Variants in FUT8 observed in about 807,000 individuals in gnomAD.
The protein encoded by FUT8 is fucosyltransferase 8, also known as alpha-(1,6)-fucosyltransferase.
A neutral mutation model predicts 71.3 loss-of-function variants in FUT8; 29 were observed. The observed-to-expected ratio is 0.41, with a 90% CI of 0.30 to 0.55. FUT8 has a LOEUF of 0.55. Among genes scored for constraint, FUT8 ranks in the 20% least tolerant of loss-of-function variants. FUT8 has a pLI of 0.34. For missense variants in FUT8, 544 were observed against 702.1 expected, an observed-to-expected ratio of 0.77 and a Z score of 2.55; for synonymous variants, 254 against 239.3, an observed-to-expected ratio of 1.06 and a Z score of -0.57.
At chr14:65,655,170 CAAAA>C (rs1891609739) in intron 6 of FUT8, among the ~76,000 whole-genome samples, 2 of 151,400 alleles carry the variant, frequency 1.3e-5, no homozygotes, top group Non-Finnish European at 2.9e-5. Context: ...AAACAATAAT[CAAAA>C]GAAAGATAGA....
At chr14:65,707,264 T>A (rs1033425585) in intron 7 of FUT8, among the ~76,000 whole-genome samples, 2 of 152,138 alleles carry the variant, frequency 1.3e-5, no homozygotes, top group Non-Finnish European at 2.9e-5. Flanking sequence ...TTAAAGAGCA[T>A]TTTTTTCCAT....
chr14:65,488,263 CA>C (rs2139710769), intron 2 of FUT8: 1 of 151,646 alleles, frequency 6.6e-6, no homozygotes, highest in Admixed American at 6.6e-5. Flanking sequence ...TAGTTGATGA[CA>C]CATCTTCAAC....
chr14:65,560,581 A>G (rs888941566), intron 2 of FUT8, among the ~76,000 whole-genome samples: 55 of 152,224 alleles, frequency 3.6e-4, no homozygotes, highest in African/African-American at 1.3e-3. Context: ...TGGAGAAATG[A>G]CAAATGATAC....
chr14:65,505,377 A>G (rs933452140), intron 2 of FUT8, among the ~76,000 whole-genome samples: 3 of 146,686 alleles, frequency 2.0e-5, no homozygotes, highest in Admixed American at 6.9e-5. Context: ...CAGTGGTGCA[A>G]TCTCGGCTCA....
At chr14:65,726,935 A>ACAGG (rs1317610851) in intron 9 of FUT8, among the ~76,000 whole-genome samples, 1 of 152,226 alleles carries the variant, frequency 6.6e-6, no homozygotes, top group Non-Finnish European at 1.5e-5. Context: ...CAAAGGGGCT[A>ACAGG]CAGGCCCCAT....
the FUT8 span, among the ~76,000 whole-genome samples, chr14:65,398,281 TC>T: frequency 7.2e-5 from 11 of 152,178 alleles, no homozygotes; most frequent in Admixed American, 7.2e-4. Context: ...TGTCTCAGCC[TC>T]CCAAGTGGTG....
At chr14:65,580,870 T>G (rs1887053976) in intron 3 of FUT8, among the ~76,000 whole-genome samples, 1 of 152,054 alleles carries the variant, frequency 6.6e-6, no homozygotes, top group African/African-American at 2.4e-5. Context: ...CTAGACACAG[T>G]GTGGATTGGA....
At chr14:65,585,758 A>G (rs1887348112) in intron 3 of FUT8, among the ~76,000 whole-genome samples, 1 of 152,212 alleles carries the variant, frequency 6.6e-6, no homozygotes, top group Non-Finnish European at 1.5e-5. Flanking sequence ...TCCTTCGGAA[A>G]TATTGGCGTT....
intron 6 of FUT8, among the ~76,000 whole-genome samples, chr14:65,664,008 G>C (rs1892090898): frequency 6.6e-6 from 1 of 152,022 alleles, no homozygotes; most frequent in African/African-American, 2.4e-5. Context: ...GTAATAGTAG[G>C]GGAAATTGGG....
intron 5 of FUT8, among the ~76,000 whole-genome samples, chr14:65,626,363 C>T (rs553763610): frequency 1.4e-4 from 22 of 152,238 alleles, no homozygotes; most frequent in Non-Finnish European, 2.9e-4. Flanking sequence ...GGAGATAGAA[C>T]CAAAATTGAG....
chr14:65,666,061 C>T (rs887735779), intron 6 of FUT8, among the ~76,000 whole-genome samples: 4 of 151,582 alleles, frequency 2.6e-5, no homozygotes, highest in Non-Finnish European at 4.4e-5. Flanking sequence ...CAAACCTACA[C>T]GTGTACCCTT....
chr14:65,438,896 A>G (rs2065600104), intron 1 of FUT8, among the ~76,000 whole-genome samples: 1 of 152,164 alleles, frequency 6.6e-6, no homozygotes, highest in Admixed American at 6.5e-5. Flanking sequence ...TGAAATTTTA[A>G]TTTTTTAAAA....
rs10559310 is a variant in FUT8 at position 65,639,509 on chromosome 14, G to GACACACAC, written c.597+9926_597+9933dup. On this transcript the variant is annotated intron_variant, in intron 6 of 10. Coordinates refer to ENST00000673929, the MANE Select transcript of FUT8 (RefSeq NM_001371533.1). ...CCTGTGAGTATTGTCTTCAAATCCA[G>GACACACAC]ACACACACACACACACACACACACA... Among the ~76,000 whole-genome samples the GACACACAC allele has an allele frequency of 1.7e-3, 249 of 148,230 alleles. 1 individual carries two copies. Among genetic ancestry groups the GACACACAC allele is most frequent in the Admixed American group, 0.011 (161 of 14,850 alleles).
chr14:65,742,260 A>C lies in FUT8; in HGVS notation c.1578A>C (p.Gly526=). 6.2e-7 allele frequency: 1 copy of C among 1,613,090 alleles called. No homozygotes were observed. The highest frequency in any genetic ancestry group is 8.5e-7 in the Non-Finnish European group (1 of 1,179,358). ...CAGATGAAATTCCCATGGAACCTGGAGATATCATTGGTGTGGCTGGAAATC... is the reference window on the plus strand; with the variant it reads ...CAGATGAAATTCCCATGGAACCTGGCGATATCATTGGTGTGGCTGGAAATC... ...RTADEIPMEP[G]DIIGVAGNHW... Residue 526 remains glycine (G), a synonymous_variant, in exon 11 of 11, where the codon GGA becomes GGC. Transcript: ENST00000673929.
chr14:65,595,752 G>A (rs898496765), intron 3 of FUT8, among the ~76,000 whole-genome samples: 1 of 151,758 alleles, frequency 6.6e-6, no homozygotes, highest in African/African-American at 2.4e-5. Context: ...GGTATTACAG[G>A]CACCCGCCAC....
chr14:65,367,814 A>C, the FUT8 span, among the ~76,000 whole-genome samples: 1 of 152,100 alleles, frequency 6.6e-6, no homozygotes, highest in Non-Finnish European at 1.5e-5. Context: ...CCCAATACCC[A>C]GGCCATGTGT....
chr14:65,445,008 A>G (rs2065717533), intron 1 of FUT8, among the ~76,000 whole-genome samples: 1 of 152,154 alleles, frequency 6.6e-6, no homozygotes, highest in African/African-American at 2.4e-5. Context: ...GTTCAAGATC[A>G]ACCAGGCCAA....
chr14:65,685,432 G>C (rs536842510), intron 7 of FUT8, among the ~76,000 whole-genome samples: 1 of 152,250 alleles, frequency 6.6e-6, no homozygotes, highest in Non-Finnish European at 1.5e-5. Flanking sequence ...TTGGACAGTT[G>C]TATGCCATGC....
At chr14:65,510,233 T>C (rs192814598) in intron 2 of FUT8, among the ~76,000 whole-genome samples, 1 of 152,280 alleles carries the variant, frequency 6.6e-6, no homozygotes, top group East Asian at 1.9e-4. Context: ...TATATGGTGA[T>C]TGATTTGTAT....
Sources: gnomAD v4.1 joint callset for allele counts (sites outside exome capture counted in the v4.1 genomes callset) on GRCh38, gnomAD v4.1.1 for gene constraint, MANE v1.5 for transcripts, NCBI Gene and HGNC (gene_info 2026-07-23, HGNC 2026-07-21) for gene names.